Variants in KNL1 observed in about 807,000 individuals in gnomAD.
KNL1 encodes outer kinetochore KNL1 complex subunit KNL1.
Under a neutral mutation model 201.3 loss-of-function variants are expected in KNL1, and 66 were observed. That is an observed-to-expected ratio of 0.33 (90% CI 0.27 to 0.40). The LOEUF is 0.40. KNL1 is among the 10% of genes least tolerant of loss of function. The pLI, the probability that KNL1 is intolerant of heterozygous loss-of-function variation, is 1.00. For missense variants in KNL1, 2,815 were observed against 2,690.5 expected (o/e 1.05, Z -1.02); for synonymous variants, 895 against 899.2 (o/e 1.00, Z 0.08).
rs1222292414 is a variant in KNL1, at chr15:40,621,958, A to T, written c.1694A>T (p.Glu565Val). The stretch of plus-strand genomic sequence containing the variant: ...ATTTCATTGACTGATAGAAAGACTG[A>T]ACTCTTATCAGGTGAAAATATGGAT... ...LSISLTDRKT[E>V]LLSGENMDLT... The change falls in exon 10 of 26, where the codon GAA becomes GTA. Residue 565 changes from glutamate to valine, a missense_variant. Around this residue, in one of 3 missense-constraint regions of KNL1, gnomAD observed 2,464 missense variants for 2,291.7 expected, o/e 1.08. Coordinates refer to ENST00000399668, the MANE Select transcript of KNL1 (RefSeq NM_144508.5). 1 of 1,613,992 alleles carries T rather than the reference A, an allele frequency of 6.2e-7. No homozygotes were observed. The highest frequency in any genetic ancestry group is 1.1e-5 in the South Asian group (1 of 91,068).
chr15:40,607,745 A>G (rs1892020592), intron 4 of KNL1, among the ~76,000 whole-genome samples: 1 of 152,156 alleles, frequency 6.6e-6, no homozygotes, highest in South Asian at 2.1e-4. Flanking sequence ...ATCAAAACCT[A>G]AATGAGATAT....
At position 40,624,877 on chromosome 15, in the gene KNL1, A is replaced by T. The variant is rs1260793111; in HGVS notation, c.4613A>T (p.Asn1538Ile). The change falls in exon 10 of 26, where the codon AAT (asparagine) becomes ATT (isoleucine). Residue 1538 changes from asparagine (N) to isoleucine (I), a missense_variant. Asn to Ile is a moderately radical substitution (Grantham distance 149). Transcript: ENST00000399668. Reference protein sequence around the residue: ...VTKQVIQTHVNAGEAPDPVIT... With the variant: ...VTKQVIQTHVIAGEAPDPVIT... ...AAGCAAGTCATTCAAACTCATGTCA[A>T]TGCTGGAGAAGCACCAGATCCTGTA... 1.2e-6 allele frequency: 2 copies of T among 1,612,690 alleles called. No individual in the cohort carries two copies. The highest frequency in any genetic ancestry group is 4.5e-5 in the East Asian group (2 of 44,860).
At position 40,623,333 on chromosome 15, in the gene KNL1, T is replaced by C; in HGVS notation, c.3069T>C (p.Asn1023=). ...TAACCCCTCTGGAGGAATGGTCTAA[T>C]AATAGGGGCCCTGTAGAGGTAGCTG... ...SQLTPLEEWS[N]NRGPVEVADN... The change falls in exon 10 of 26, where the codon AAT becomes AAC. Residue 1023 remains asparagine (N), a synonymous_variant. Coordinates refer to ENST00000399668, the MANE Select transcript of KNL1 (RefSeq NM_144508.5). 5.0e-6 allele frequency: 8 copies of C among 1,613,876 alleles called. No homozygotes were observed. Among genetic ancestry groups the C allele is most frequent in the Non-Finnish European group, 6.8e-6 (8 of 1,179,882 alleles).
At chr15:40,640,872 GCA>G in intron 13 of KNL1, 38 bp from the exon 14 acceptor site, 1 of 1,177,692 alleles carries the variant, frequency 8.5e-7, no homozygotes. Context: ...GGTTTTGTCT[GCA>G]AGATACCAGT....
intron 24 of KNL1, 25 bp from the exon 25 acceptor site, chr15:40,659,314 T>C: frequency 1.9e-6 from 3 of 1,592,430 alleles, no homozygotes; most frequent in Non-Finnish European, 2.6e-6. Context: ...GTTGCATTTT[T>C]AATTGTGGAT....
chr15:40,629,517 T>C, intron 13 of KNL1, 146 bp downstream of exon 13: 1 of 370,076 alleles, frequency 2.7e-6, no homozygotes, highest in Non-Finnish European at 4.6e-6. Flanking sequence ...TTTTTTTTTT[T>C]TTTTGAGATG....
intron 6 of KNL1, chr15:40,610,682 T>A (rs917553490): frequency 1.8e-5 from 8 of 451,292 alleles, no homozygotes; most frequent in Non-Finnish European, 4.4e-6. Flanking sequence ...AGAGCAAGAC[T>A]CTGTCTCAAA....
rs576585590 is a variant in KNL1, at chr15:40,647,915, T to G, written c.6094+841T>G. Among the ~76,000 whole-genome samples the G allele has an allele frequency of 6.7e-4, 102 of 152,308 alleles. 1 individual carries two copies. The South Asian group carries it at 0.016, about 24-fold the overall frequency. On this transcript the variant is annotated intron_variant, in intron 17 of 25. Transcript: ENST00000399668. ...GCCTCTCTTTCTCTAACTGATCCCT[T>G]GTGGGGATTTAGATTTTATCATCTG... is the stretch of plus-strand genomic sequence containing the variant.
rs555296963 is a variant in KNL1, at chr15:40,611,471, T to A, written c.251-7T>A. On this transcript the variant is annotated splice_polypyrimidine_tract_variant and splice_region_variant and intron_variant, in intron 6 of 25. Coordinates refer to ENST00000399668, the MANE Select transcript of KNL1 (RefSeq NM_144508.5). ...TTGGACAAATTTAATTTTAATTTTA[T>A]TTTTAGAAACAGAAACAGGAGAAAA... 207 of 235,482 alleles carry A rather than the reference T, an allele frequency of 8.8e-4. No homozygotes were observed. Among genetic ancestry groups the A allele is most frequent in the Non-Finnish European group, 1.4e-3 (175 of 123,000 alleles). 14.6% of individuals were successfully genotyped at this position (235,482 alleles called of 1,614,324 possible). A position where few individuals can be genotyped will look rare whatever the true frequency, so the allele number is the denominator to read the frequency against.
chr15:40,657,408 G>A lies in KNL1; in HGVS notation c.6648G>A (p.Glu2216=), dbSNP rs1481973993. The A allele has an allele frequency of 6.2e-7, 1 of 1,608,414 alleles. No individual in the cohort carries two copies. The highest frequency in any genetic ancestry group is 1.3e-5 in the African/African-American group (1 of 74,944). ...ACCATTGCAGACTCCTTGGAGAGGAGATTGAGTATTTAAAGAGATGGGGAC... is the reference window on the plus strand; with the variant it reads ...ACCATTGCAGACTCCTTGGAGAGGAAATTGAGTATTTAAAGAGATGGGGAC... ...VVHHCRLLGE[E]IEYLKRWGPN... Residue 2216 remains glutamate, a synonymous_variant, in exon 24 of 26, where the codon GAG becomes GAA. Transcript: ENST00000399668.
chr15:40,658,545 A>G (rs1326977295), intron 24 of KNL1, among the ~76,000 whole-genome samples: 46 of 59,190 alleles, frequency 7.8e-4, no homozygotes, highest in East Asian at 2.0e-3. Context: ...AAAAAAAAAA[A>G]AGAGAGAATC....
At chr15:40,616,390 G>T (rs1892347406) in intron 8 of KNL1, among the ~76,000 whole-genome samples, 1 of 152,096 alleles carries the variant, frequency 6.6e-6, no homozygotes, top group Non-Finnish European at 1.5e-5. Flanking sequence ...GCCTCCCAAA[G>T]TGCTGGGATT....
chr15:40,613,446 C>A (rs1892238588), intron 7 of KNL1, among the ~76,000 whole-genome samples: 1 of 151,954 alleles, frequency 6.6e-6, no homozygotes, highest in Non-Finnish European at 1.5e-5. Context: ...TTACCTATTA[C>A]ATTCTTAAAA....
intron 22 of KNL1, 58 bp downstream of exon 22, chr15:40,655,035 T>C: frequency 7.4e-7 from 1 of 1,345,518 alleles, no homozygotes; most frequent in South Asian, 1.2e-5. Flanking sequence ...CTATGGCTCA[T>C]GCCTTTAATC....
At chr15:40,651,660 T>C (rs1893568080) in intron 20 of KNL1, 88 bp downstream of exon 20, 1 of 894,982 alleles carries the variant, frequency 1.1e-6, no homozygotes, top group Admixed American at 2.8e-5. Flanking sequence ...GTATTTTTAA[T>C]GTGTTGCTGT....
chr15:40,647,201 A>G, intron 17 of KNL1, 127 bp downstream of exon 17: 4 of 572,286 alleles, frequency 7.0e-6, no homozygotes, highest in Non-Finnish European at 1.3e-5. Context: ...AAATTAGAGT[A>G]AATTGGCTCA....
intron 17 of KNL1, among the ~76,000 whole-genome samples, chr15:40,647,327 T>G (rs1227744537): frequency 6.6e-6 from 1 of 151,694 alleles, no homozygotes; most frequent in African/African-American, 2.4e-5. Context: ...ATTTTAAAAT[T>G]AGCTGGGCGT....
At position 40,625,586 on chromosome 15, in the gene KNL1, G is replaced by C; in HGVS notation, c.5322G>C (p.Glu1774Asp). 1 of 1,608,696 alleles carries C rather than the reference G, an allele frequency of 6.2e-7. No homozygotes were observed. Among genetic ancestry groups the C allele is most frequent in the East Asian group, 2.2e-5 (1 of 44,826 alleles). The change falls in exon 10 of 26, where the codon GAG (glutamate) becomes GAC (aspartate). Residue 1774 changes from glutamate (E) to aspartate (D), a missense_variant. Around this residue, in one of 3 missense-constraint regions of KNL1, gnomAD observed 2,464 missense variants for 2,291.7 expected, o/e 1.08. Transcript: ENST00000399668. ...AAGAAGAAGAAGATATTCATAAGGA[G>C]AAAAAAATCAGAAAAAATGAGATTA... Reference protein sequence around the residue: ...WVQEEEDIHKEKKIRKNEIKF... With the variant: ...WVQEEEDIHKDKKIRKNEIKF...
intron 10 of KNL1, among the ~76,000 whole-genome samples, chr15:40,627,724 A>G (rs943955860): frequency 6.6e-6 from 1 of 152,192 alleles, no homozygotes; most frequent in South Asian, 2.1e-4. Context: ...TACAGCCAAT[A>G]TTCTAGTCTG....
Sources: gnomAD v4.1 joint callset for allele counts (sites outside exome capture counted in the v4.1 genomes callset) on GRCh38, gnomAD v4.1.1 for gene constraint, gnomAD v4.1.1 regional missense constraint, MANE v1.5 for transcripts, NCBI Gene and HGNC (gene_info 2026-07-23, HGNC 2026-07-21) for gene names.